MAST2: variants seen among roughly 807,000 people sequenced by gnomAD.
The protein encoded by MAST2 is microtubule-associated serine/threonine-protein kinase 2.
MAST2 carries 70 observed loss-of-function variants against 147.4 expected under a neutral mutation model. The ratio of observed to expected loss-of-function variants is 0.47; its 90% CI spans 0.39 to 0.58. MAST2 has a LOEUF of 0.58. Among genes scored for constraint, MAST2 ranks in the 20% least tolerant of loss-of-function variants. MAST2 has a pLI of 0.00. For missense variants in MAST2, 2,080 were observed against 2,302.3 expected (o/e 0.90, Z 1.98); for synonymous variants, 869 against 896.8 (o/e 0.97, Z 0.55).
chr1:46,007,274 C>T (rs947096362), intron 8 of MAST2, among the ~76,000 whole-genome samples: 2 of 152,138 alleles, frequency 1.3e-5, no homozygotes, highest in Admixed American at 1.3e-4. Flanking sequence ...TCAGGTAATG[C>T]TGGCACTGCA....
intron 10 of MAST2, among the ~76,000 whole-genome samples, chr1:46,014,821 G>A (rs982610001): frequency 1.1e-4 from 16 of 152,006 alleles, no homozygotes; most frequent in South Asian, 2.1e-4. Flanking sequence ...TCCACCAAGC[G>A]GACCTAATAG....
intron 12 of MAST2, 50 bp from the exon 13 acceptor site, chr1:46,022,858 TGA>T: frequency 7.5e-7 from 1 of 1,339,078 alleles, no homozygotes; most frequent in Non-Finnish European, 1.1e-6. Context: ...AGGATACTGC[TGA>T]GATACCTGAC....
At chr1:45,993,169 G>T in intron 5 of MAST2, among the ~76,000 whole-genome samples, 1 of 151,904 alleles carries the variant, frequency 6.6e-6, no homozygotes, top group East Asian at 1.9e-4. Flanking sequence ...TTTTTAAAGA[G>T]ATTTAAATAA....
rs770680066 is a variant in MAST2 at position 45,824,415 on chromosome 1, C to T, written c.178-18C>T. ...GGAGATATTAAAGACTCATGTTTTA[C>T]TCTTTTTCTCTTTGAAGGATGTAGT... On this transcript the variant is annotated intron_variant, in intron 1 of 28. Transcript: ENST00000361297. 1.1e-5 allele frequency: 17 copies of T among 1,568,894 alleles called. No homozygotes were observed. The highest frequency in any genetic ancestry group is 2.7e-5 in the African/African-American group (2 of 73,424).
intron 4 of MAST2, among the ~76,000 whole-genome samples, chr1:45,937,360 G>A (rs1476075692): frequency 2.6e-5 from 4 of 151,208 alleles, no homozygotes; most frequent in Non-Finnish European, 5.9e-5. Flanking sequence ...CAAACTCCTG[G>A]GCCCAAGCGA....
chr1:45,854,732 C>G (rs1233180597), intron 3 of MAST2, among the ~76,000 whole-genome samples: 4 of 152,102 alleles, frequency 2.6e-5, no homozygotes, highest in Non-Finnish European at 4.4e-5. Context: ...GTACACCAAA[C>G]AGCAGACAGA....
rs1364325106 is a variant in MAST2, at chr1:46,035,471, A to G, written c.4802A>G (p.Asn1601Ser). ...EAASSSSAGPNLGQSGATDPI... is the reference protein window; with the variant it reads ...EAASSSSAGPSLGQSGATDPI... ...GCCAGCTCCTCCTCAGCAGGCCCCAACCTAGGTCAGTCTGGAGCCACAGAC... is the reference window on the plus strand; with the variant it reads ...GCCAGCTCCTCCTCAGCAGGCCCCAGCCTAGGTCAGTCTGGAGCCACAGAC... Residue 1601 changes from asparagine (N) to serine (S), a missense_variant, in exon 29 of 29, where the codon AAC becomes AGC. Physicochemically the swap from Asn to Ser is conservative, Grantham distance 46 (BLOSUM62 1). Around this residue, in one of 4 missense-constraint regions of MAST2, gnomAD observed 1,278 missense variants for 1,304.2 expected, o/e 0.98. Coordinates refer to ENST00000361297, the MANE Select transcript of MAST2 (RefSeq NM_015112.3). The surrounding 1 kb of genome is among the most constrained non-coding windows in gnomAD (Gnocchi z 5.5). 3 of 1,613,192 alleles carry G rather than the reference A, an allele frequency of 1.9e-6. No individual in the cohort carries two copies. The highest frequency in any genetic ancestry group is 1.7e-5 in the Admixed American group (1 of 60,012).
intron 6 of MAST2, chr1:46,000,941 T>C (rs759784648): frequency 7.8e-7 from 1 of 1,289,138 alleles, no homozygotes; most frequent in South Asian, 1.2e-5. Context: ...CACTATAATG[T>C]GTATTTTTTT....
chr1:46,010,026 C>CA (rs1463809395), intron 9 of MAST2, among the ~76,000 whole-genome samples: 5 of 152,292 alleles, frequency 3.3e-5, no homozygotes, highest in African/African-American at 1.2e-4. Flanking sequence ...GCTGGGGATC[C>CA]AGGCCAGGCT....
intron 4 of MAST2, among the ~76,000 whole-genome samples, chr1:45,946,577 G>A (rs1435727048): frequency 6.6e-6 from 1 of 152,124 alleles, no homozygotes; most frequent in Non-Finnish European, 1.5e-5. Context: ...TGTAACTGTT[G>A]CAGGAACATG....
intron 6 of MAST2, among the ~76,000 whole-genome samples, chr1:45,998,453 T>TATC (rs1278324402): frequency 6.6e-6 from 1 of 152,270 alleles, no homozygotes. Context: ...GTGGCTGGAA[T>TATC]ATCATCAGGC....
chr1:45,918,212 C>T (rs1570708405), intron 4 of MAST2, among the ~76,000 whole-genome samples: 1 of 152,226 alleles, frequency 6.6e-6, no homozygotes, highest in East Asian at 1.9e-4. Context: ...GGTAGGTCCT[C>T]AGTGGTAAGT....
chr1:45,997,477 A>C (rs1645102885), intron 5 of MAST2, among the ~76,000 whole-genome samples: 1 of 152,208 alleles, frequency 6.6e-6, no homozygotes, highest in Admixed American at 6.5e-5. Flanking sequence ...GGCAGGAAAT[A>C]GTCAAGTTGC....
At chr1:45,831,649 AT>A (rs1226639902) in intron 3 of MAST2, among the ~76,000 whole-genome samples, 4 of 151,922 alleles carry the variant, frequency 2.6e-5, no homozygotes, top group African/African-American at 4.8e-5. Context: ...GTATATATGT[AT>A]TTTTTTCCCG....
rs147297345 is a variant in MAST2, at chr1:45,920,613, A to G, written c.500+38218A>G. Among the ~76,000 whole-genome samples the G allele has an allele frequency of 9.0e-4, 137 of 152,282 alleles. 2 individuals are homozygous for G. In the East Asian group the frequency reaches 0.021, roughly 23 times the overall value. On this transcript the variant is annotated intron_variant, in intron 4 of 28. Coordinates refer to ENST00000361297, the MANE Select transcript of MAST2 (RefSeq NM_015112.3). ...CATGCTTCTGTCATTAGTTGTTCTT[A>G]TTGCTTTATGAGATTATTGGTTGAC...
chr1:45,852,990 G>A lies in MAST2; in HGVS notation c.468+23409G>A, dbSNP rs555915873. ...CTGTCACCCAGGCTGGAGTGCAGTG[G>A]CATGATCTTGGGTCACTGCAACCTC... On this transcript the variant is annotated intron_variant, in intron 3 of 28. Coordinates refer to ENST00000361297, the MANE Select transcript of MAST2 (RefSeq NM_015112.3). Among the ~76,000 whole-genome samples the A allele has an allele frequency of 3.9e-5, 6 of 152,058 alleles. No individual in the cohort carries two copies. The East Asian group carries it at 9.7e-4, about 24-fold the overall frequency.
At chr1:46,012,030 T>C (rs1489902548) in intron 10 of MAST2, among the ~76,000 whole-genome samples, 1 of 152,230 alleles carries the variant, frequency 6.6e-6, no homozygotes, top group African/African-American at 2.4e-5. Flanking sequence ...TCTACAAAAA[T>C]ACCTTTTTGT....
intron 4 of MAST2, among the ~76,000 whole-genome samples, chr1:45,957,673 G>A (rs1356571916): frequency 6.6e-6 from 1 of 152,086 alleles, no homozygotes; most frequent in Admixed American, 6.6e-5. Flanking sequence ...GGAAGGAAAA[G>A]GGGTATTGGA....
At chr1:46,008,484 CAAG>C (rs573303907) in intron 9 of MAST2, 113 bp downstream of exon 9, 105 of 697,546 alleles carry the variant, frequency 1.5e-4, no homozygotes, top group African/African-American at 1.4e-3. Context: ...CAGAGATAAC[CAAG>C]AAGAAGAACA....
Sources: gnomAD v4.1 joint callset for allele counts (sites outside exome capture counted in the v4.1 genomes callset) on GRCh38, gnomAD v4.1.1 for gene constraint, gnomAD v4.1.1 regional missense constraint, Gnocchi (gnomAD v3.1) non-coding constraint, MANE v1.5 for transcripts, NCBI Gene and HGNC (gene_info 2026-07-23, HGNC 2026-07-21) for gene names.